NEU3: variants seen among roughly 807,000 people sequenced by gnomAD.
NEU3 encodes sialidase-3.
In NEU3, 10 loss-of-function variants were observed where a neutral mutation model predicts 11.4. The ratio of observed to expected loss-of-function variants is 0.88; its 90% CI spans 0.54 to 1.49. NEU3 has a LOEUF of 1.49. NEU3 is among the 40% of genes most tolerant of loss of function. The probability of loss-of-function intolerance (pLI) is 0.00; values close to 1 mark genes in which losing one functional copy is unlikely to be tolerated. For missense variants in NEU3, 529 were observed against 581.8 expected, an observed-to-expected ratio of 0.91 and a Z score of 0.93; for synonymous variants, 212 against 228.2, an observed-to-expected ratio of 0.93 and a Z score of 0.64.
chr11:74,981,718 G>C, the NEU3 span, among the ~76,000 whole-genome samples: 1 of 152,202 alleles, frequency 6.6e-6, no homozygotes, highest in Non-Finnish European at 1.5e-5. Context: ...AAAATTCACA[G>C]ATGTGAAAAT....
At chr11:74,984,962 CGA>C (rs1418568540), upstream of NEU3, among the ~76,000 whole-genome samples, 1 of 152,066 alleles carries the variant, frequency 6.6e-6, no homozygotes, top group African/African-American at 2.4e-5. Context: ...AATAAGTTGC[CGA>C]GATCACTCAG....
chr11:74,994,779 C>A, intron 2 of NEU3, 59 bp downstream of exon 2: 2 of 1,467,790 alleles, frequency 1.4e-6, no homozygotes, highest in Admixed American at 1.7e-5. Context: ...AAGCTCAGAG[C>A]TCTTCAGGAT....
chr11:75,005,532 C>G lies in NEU3; in HGVS notation c.426C>G (p.Gly142=). 1.2e-6 allele frequency: 2 copies of G among 1,613,918 alleles called. No homozygotes were observed. The highest frequency in any genetic ancestry group is 2.7e-5 in the African/African-American group (2 of 74,996). ...CVFLFFICVR[G]HVTERQQIVS... ...TCCTGTTCTTCATCTGTGTGCGGGG[C>G]CATGTCACAGAGCGTCAACAGATTG... Residue 142 remains glycine (G), a synonymous_variant, in exon 3 of 3, where the codon GGC becomes GGG. Coordinates refer to ENST00000294064, the MANE Select transcript of NEU3 (RefSeq NM_006656.6).
intron 1 of NEU3, among the ~76,000 whole-genome samples, chr11:74,993,676 A>G (rs74237426): frequency 6.6e-6 from 1 of 152,172 alleles, no homozygotes; most frequent in East Asian, 1.9e-4. Flanking sequence ...TAACTTATAA[A>G]GAAAAGAAAT....
chr11:75,003,012 G>A (rs1047360815), intron 2 of NEU3, among the ~76,000 whole-genome samples: 22 of 152,148 alleles, frequency 1.4e-4, no homozygotes, highest in African/African-American at 2.9e-4. Flanking sequence ...TTATACTGCT[G>A]TGAATATTCT....
intron 3 of NEU3, among the ~76,000 whole-genome samples, chr11:75,018,250 C>A (rs763439381): frequency 1.3e-5 from 2 of 151,944 alleles, no homozygotes; most frequent in Non-Finnish European, 2.9e-5. Context: ...GCTTGTTCTC[C>A]CCCTCCCTGC....
chr11:74,982,149 T>A, the NEU3 span, among the ~76,000 whole-genome samples: 1 of 152,354 alleles, frequency 6.6e-6, no homozygotes, highest in East Asian at 1.9e-4. Context: ...AAACATTAGC[T>A]GTTTGTTGAG....
At chr11:75,017,734 C>A (rs1486105281) in intron 3 of NEU3, among the ~76,000 whole-genome samples, 2 of 152,144 alleles carry the variant, frequency 1.3e-5, no homozygotes, top group Non-Finnish European at 2.9e-5. Context: ...TCTCTCAGGG[C>A]TATGGGGGGA....
intron 2 of NEU3, among the ~76,000 whole-genome samples, chr11:75,002,518 A>G (rs1406105540): frequency 6.6e-6 from 1 of 152,234 alleles, no homozygotes; most frequent in African/African-American, 2.4e-5. Context: ...ATGCAGTAGC[A>G]AAGCAAAGAA....
At chr11:74,982,176 C>T in the NEU3 span, among the ~76,000 whole-genome samples, 1 of 152,190 alleles carries the variant, frequency 6.6e-6, no homozygotes, top group Non-Finnish European at 1.5e-5. Context: ...TAGGTAGCCA[C>T]TTGAATTGAA....
At chr11:75,003,759 G>A (rs1948869174) in intron 2 of NEU3, among the ~76,000 whole-genome samples, 1 of 151,994 alleles carries the variant, frequency 6.6e-6, no homozygotes, top group South Asian at 2.1e-4. Flanking sequence ...ACGTGGTGGT[G>A]CAAGCCTGTA....
the NEU3 span, among the ~76,000 whole-genome samples, chr11:74,980,815 C>T: frequency 6.6e-6 from 1 of 152,234 alleles, no homozygotes; most frequent in Non-Finnish European, 1.5e-5. Flanking sequence ...GAAGTACTTC[C>T]TCACTAATCT....
In NEU3 at chr11:75,006,027, G is replaced by A. The variant is rs1948895095; in HGVS notation, c.921G>A (p.Glu307=). Residue 307 remains glutamate (E), a synonymous_variant, in exon 3 of 3, where the codon GAG becomes GAA. Coordinates refer to ENST00000294064, the MANE Select transcript of NEU3 (RefSeq NM_006656.6). ...QRLALSRQLC[E]PPHGCQGSVV... ...TGGCCCTGAGTCGACAGCTCTGTGA[G>A]CCCCCACATGGTTGCCAAGGGAGTG... is the stretch of plus-strand genomic sequence containing the variant. 1 of 1,613,842 alleles carries A rather than the reference G, an allele frequency of 6.2e-7. No individual in the cohort carries two copies. Among genetic ancestry groups the A allele is most frequent in the African/African-American group, 1.3e-5 (1 of 74,908 alleles).
chr11:75,016,841 A>C (rs775450157), intron 3 of NEU3, among the ~76,000 whole-genome samples: 7 of 152,222 alleles, frequency 4.6e-5, no homozygotes, highest in African/African-American at 1.7e-4. Flanking sequence ...AGGAAGATCT[A>C]CTTTGCCAGT....
downstream of NEU3, among the ~76,000 whole-genome samples, chr11:75,011,680 C>CTTTA (rs1948956264): frequency 6.6e-6 from 1 of 152,194 alleles, no homozygotes; most frequent in East Asian, 1.9e-4. Flanking sequence ...ACCCACCAGC[C>CTTTA]TTTATTTCTT....
chr11:74,982,747 G>GA, the NEU3 span, among the ~76,000 whole-genome samples: 4 of 151,648 alleles, frequency 2.6e-5, no homozygotes, highest in African/African-American at 4.8e-5. Context: ...GGAGAGCAGC[G>GA]AAAAAAAAGG....
At chr11:75,014,370 C>T (rs1414980101), downstream of NEU3, among the ~76,000 whole-genome samples, 1 of 152,054 alleles carries the variant, frequency 6.6e-6, no homozygotes, top group Non-Finnish European at 1.5e-5. Flanking sequence ...AGCCAGTAAC[C>T]CTGTCTCTGC....
At chr11:75,000,177 G>A (rs934672423) in intron 2 of NEU3, among the ~76,000 whole-genome samples, 1 of 151,732 alleles carries the variant, frequency 6.6e-6, no homozygotes, top group African/African-American at 2.4e-5. Context: ...TTGAGTAGAT[G>A]GTCAGCCAAA....
chr11:74,984,967 T>C (rs1474150683), upstream of NEU3, among the ~76,000 whole-genome samples: 1 of 152,160 alleles, frequency 6.6e-6, no homozygotes, highest in Non-Finnish European at 1.5e-5. Context: ...GTTGCCGAGA[T>C]CACTCAGCTA....
Sources: allele counts gnomAD v4.1 joint callset (sites outside exome capture counted in the v4.1 genomes callset), GRCh38; gene constraint gnomAD v4.1.1; transcripts MANE v1.5; gene names NCBI Gene and HGNC (gene_info 2026-07-23, HGNC 2026-07-21).